LRBA: variants seen among roughly 807,000 people sequenced by gnomAD.
LRBA encodes the protein LPS responsive beige-like anchor protein.
LRBA carries 176 observed loss-of-function variants against 330.0 expected under a neutral mutation model. The observed-to-expected ratio is 0.53, with a 90% confidence interval of 0.47 to 0.60. LRBA has a LOEUF of 0.60. Among genes scored for constraint, LRBA ranks in the 20% least tolerant of loss-of-function variants. The probability of loss-of-function intolerance (pLI) is 0.00; values close to 1 mark genes in which losing one functional copy is unlikely to be tolerated. For synonymous variants in LRBA, 1,230 were observed against 1,193.0 expected, an observed-to-expected ratio of 1.03 and a Z score of -0.64; for missense variants, 3,259 against 3,444.8, an observed-to-expected ratio of 0.95 and a Z score of 1.35.
chr4:150,786,762 A>G (rs1220998480), intron 34 of LRBA, among the ~76,000 whole-genome samples: 2 of 152,200 alleles, frequency 1.3e-5, no homozygotes, highest in African/African-American at 4.8e-5. Context: ...TCTGAGTACT[A>G]ATAAAACTCC....
At chr4:150,832,931 AGCT>A (rs1398905064) in intron 28 of LRBA, among the ~76,000 whole-genome samples, 2 of 151,958 alleles carry the variant, frequency 1.3e-5, no homozygotes, top group Non-Finnish European at 2.9e-5. Context: ...CACCACATCC[AGCT>A]AATTTTTGTT....
At chr4:150,891,089 C>T (rs560319157) in intron 17 of LRBA, among the ~76,000 whole-genome samples, 1 of 152,154 alleles carries the variant, frequency 6.6e-6, no homozygotes, top group Admixed American at 6.5e-5. Flanking sequence ...TTCTGAAATT[C>T]AGTTATTAGA....
intron 37 of LRBA, among the ~76,000 whole-genome samples, chr4:150,605,732 T>A (rs1774556003): frequency 6.6e-6 from 1 of 152,200 alleles, no homozygotes. Context: ...ATAGGTATCA[T>A]ACAATATAAG....
chr4:150,417,897 T>C (rs919107829), intron 46 of LRBA, among the ~76,000 whole-genome samples: 3 of 152,170 alleles, frequency 2.0e-5, no homozygotes, highest in Non-Finnish European at 4.4e-5. Context: ...TGTCAAAATA[T>C]TATGATTTTG....
chr4:150,343,006 C>T (rs1331132328), intron 48 of LRBA, among the ~76,000 whole-genome samples: 1 of 150,966 alleles, frequency 6.6e-6, no homozygotes, highest in Non-Finnish European at 1.5e-5. Context: ...TATTAAAGCA[C>T]CTTAGAGAAA....
chr4:150,888,439 T>C lies in LRBA; in HGVS notation c.2165+4613A>G, dbSNP rs532443163. 1.5e-3 allele frequency among the ~76,000 whole-genome samples: 225 copies of C among 152,280 alleles called. 2 individuals are homozygous for C. The highest frequency in any genetic ancestry group is 4.9e-3 in the African/African-American group (202 of 41,570). The stretch of plus-strand genomic sequence containing the variant: ...AGTAAAACTTTAAGCTATATATAAC[T>C]AGTAAAAGTAAAACTTATTAACTGT... On this transcript the variant is annotated intron_variant, in intron 17 of 56. Coordinates refer to ENST00000651943, the MANE Select transcript of LRBA (RefSeq NM_001364905.1).
intron 40 of LRBA, among the ~76,000 whole-genome samples, chr4:150,506,681 C>T (rs1003970433): frequency 6.6e-6 from 1 of 152,116 alleles, no homozygotes; most frequent in Non-Finnish European, 1.5e-5. Context: ...ACAGGGATGC[C>T]CTCTCTCACC....
chr4:150,646,214 A>C (rs180888605), intron 37 of LRBA, among the ~76,000 whole-genome samples: 1 of 152,118 alleles, frequency 6.6e-6, no homozygotes, highest in Non-Finnish European at 1.5e-5. Context: ...ATTTCCTGAC[A>C]TATTGTGGGG....
chr4:150,486,011 T>A (rs1442919547), intron 42 of LRBA, among the ~76,000 whole-genome samples: 1 of 151,958 alleles, frequency 6.6e-6, no homozygotes, highest in East Asian at 1.9e-4. Flanking sequence ...GAATCTAATG[T>A]TTAATATGAA....
At chr4:150,462,860 G>A (rs1363684708) in intron 44 of LRBA, among the ~76,000 whole-genome samples, 3 of 151,688 alleles carry the variant, frequency 2.0e-5, no homozygotes, top group Non-Finnish European at 4.4e-5. Context: ...TGTATACTAT[G>A]GGACAAATTT....
chr4:150,303,911 G>T (rs1293060771), intron 52 of LRBA, among the ~76,000 whole-genome samples: 1 of 152,138 alleles, frequency 6.6e-6, no homozygotes, highest in Non-Finnish European at 1.5e-5. Flanking sequence ...ACCAGATATG[G>T]TGGTAGTAAT....
Position 150,739,255 on chromosome 4 carries a change from C to T in LRBA, c.5646-3889G>A, listed in dbSNP as rs141237735. The stretch of plus-strand genomic sequence containing the variant: ...ACTACCAGATATAGAATATATAAAG[C>T]TATAGAATATTTTTTAACCTGACCT... On this transcript the variant is annotated intron_variant, in intron 35 of 56. Coordinates refer to ENST00000651943, the MANE Select transcript of LRBA (RefSeq NM_001364905.1). Among the ~76,000 whole-genome samples the T allele has an allele frequency of 4.7e-4, 72 of 152,046 alleles. 1 individual carries two copies. In the East Asian group the frequency reaches 0.013, roughly 28 times the overall value.
intron 2 of LRBA, among the ~76,000 whole-genome samples, chr4:150,933,061 T>C (rs1485008179): frequency 6.6e-6 from 1 of 152,130 alleles, no homozygotes; most frequent in Non-Finnish European, 1.5e-5. Flanking sequence ...TACAAGAACT[T>C]CATTGTATTG....
intron 36 of LRBA, among the ~76,000 whole-genome samples, chr4:150,726,618 C>T (rs1729711817): frequency 6.6e-6 from 1 of 152,104 alleles, no homozygotes; most frequent in South Asian, 2.1e-4. Flanking sequence ...GCACCTTCTT[C>T]ACAAGTTGGC....
chr4:150,909,427 C>T (rs974501637), intron 9 of LRBA, among the ~76,000 whole-genome samples: 11 of 152,250 alleles, frequency 7.2e-5, no homozygotes, highest in African/African-American at 2.4e-4. Context: ...CTTCACAGTT[C>T]CTCCATGTTT....
At chr4:150,868,528 C>T (rs868591106) in intron 20 of LRBA, among the ~76,000 whole-genome samples, 2 of 151,920 alleles carry the variant, frequency 1.3e-5, no homozygotes, top group Non-Finnish European at 2.9e-5. Flanking sequence ...TTCAAATGTG[C>T]AAAAATAAAG....
chr4:150,338,996 A>AC (rs1735121916), intron 48 of LRBA, among the ~76,000 whole-genome samples: 2 of 129,472 alleles, frequency 1.5e-5, no homozygotes, highest in African/African-American at 5.7e-5. Flanking sequence ...CACACACACA[A>AC]GTAGTGAACC....
At chr4:150,352,678 T>A (rs1166638701) in intron 47 of LRBA, among the ~76,000 whole-genome samples, 1 of 152,142 alleles carries the variant, frequency 6.6e-6, no homozygotes, top group Non-Finnish European at 1.5e-5. Flanking sequence ...TTGAAAAAAA[T>A]CTAGGAACTA....
chr4:150,392,670 C>A (rs765652781), intron 47 of LRBA, among the ~76,000 whole-genome samples: 3 of 151,934 alleles, frequency 2.0e-5, no homozygotes, highest in Non-Finnish European at 4.4e-5. Context: ...TTTTGCACAT[C>A]AATTTTATAT....
Sources: allele counts gnomAD v4.1 joint callset (sites outside exome capture counted in the v4.1 genomes callset), GRCh38; gene constraint gnomAD v4.1.1; transcripts MANE v1.5; gene names NCBI Gene and HGNC (gene_info 2026-07-23, HGNC 2026-07-21).